The following HDAC9 variants were observed in gnomAD, a reference collection of about 807,000 sequenced individuals.
HDAC9 encodes the protein histone deacetylase 9.
Under a neutral mutation model 139.4 loss-of-function variants are expected in HDAC9, and 41 were observed. The observed-to-expected ratio is 0.29, with a 90% CI of 0.23 to 0.38. The LOEUF (loss-of-function observed/expected upper bound fraction) is 0.38, where lower values mean the gene tolerates loss of function less well. Among genes scored for constraint, HDAC9 ranks in the 10% least tolerant of loss-of-function variants. The probability of loss-of-function intolerance (pLI) is 1.00; values close to 1 mark genes in which losing one functional copy is unlikely to be tolerated. For synonymous variants in HDAC9, 517 were observed against 476.2 expected, an observed-to-expected ratio of 1.09 and a Z score of -1.12; for missense variants, 1,147 against 1,297.0, an observed-to-expected ratio of 0.88 and a Z score of 1.78.
At chr7:18,120,291 C>T (rs960418951) in intron 1 of HDAC9, among the ~76,000 whole-genome samples, 1 of 152,088 alleles carries the variant, frequency 6.6e-6, no homozygotes, top group Non-Finnish European at 1.5e-5. Flanking sequence ...TCCACAAGGC[C>T]AGTAGTAGTA....
chr7:18,451,401 G>GTATATATATGTGTGTGTGTGTGTA (rs1554422578), intron 1 of HDAC9, among the ~76,000 whole-genome samples: 1 of 135,212 alleles, frequency 7.4e-6, no homozygotes, highest in Non-Finnish European at 1.6e-5. Flanking sequence ...GTGTGTGTGT[G>GTATATATATGTGTGTGTGTGTGTA]TATATATGTG....
intron 2 of HDAC9, among the ~76,000 whole-genome samples, chr7:18,263,913 G>A (rs914064259): frequency 6.6e-6 from 1 of 152,064 alleles, no homozygotes. Context: ...GCCACCACGT[G>A]GGCCTGGCTG....
chr7:18,482,104 A>T (rs1795601080), intron 1 of HDAC9, among the ~76,000 whole-genome samples: 1 of 151,894 alleles, frequency 6.6e-6, no homozygotes, highest in Non-Finnish European at 1.5e-5. Flanking sequence ...AGCCTCTGTA[A>T]CTCTGAGTGT....
chr7:18,145,751 C>G (rs17138662), intron 1 of HDAC9, among the ~76,000 whole-genome samples: 22,625 of 152,066 alleles, frequency 0.15, 2,674 homozygotes, highest in African/African-American at 0.33. Flanking sequence ...TGTGCTGAAT[C>G]TTTGATAGGG....
intron 16 of HDAC9, among the ~76,000 whole-genome samples, chr7:18,787,389 A>G (rs1372856970): frequency 6.6e-6 from 1 of 152,188 alleles, no homozygotes; most frequent in Non-Finnish European, 1.5e-5. Context: ...CCTCCTACAT[A>G]TTTATAAAGT....
At chr7:18,673,262 A>G (rs888834714) in intron 12 of HDAC9, among the ~76,000 whole-genome samples, 1 of 152,004 alleles carries the variant, frequency 6.6e-6, no homozygotes, top group Non-Finnish European at 1.5e-5. Flanking sequence ...CTGAGTGACA[A>G]AACAACAGCA....
Position 18,720,692 on chromosome 7 carries a change from C to CT in HDAC9, c.1732-6881dup, listed in dbSNP as rs1173085822. The stretch of plus-strand genomic sequence containing the variant: ...TTTTCTTTTTTTTTTTTCTTTTCTT[C>CT]TTTTTTTGAGACAGAGTTTCGCTCT... On this transcript the variant is annotated intron_variant, in intron 12 of 25. Transcript: ENST00000686413. Among the ~76,000 whole-genome samples the CT allele has an allele frequency of 4.8e-5, 6 of 124,234 alleles. No homozygotes were observed. In the East Asian group the frequency reaches 1.4e-3, roughly 28 times the overall value. The allele number at this position is 124,234 out of a possible 152,430, so 81.5% of individuals were successfully genotyped here. A position where few individuals can be genotyped will look rare whatever the true frequency, so the allele number is the denominator to read the frequency against.
intron 1 of HDAC9, among the ~76,000 whole-genome samples, chr7:18,486,741 A>C (rs1796001861): frequency 1.3e-5 from 2 of 152,250 alleles, no homozygotes; most frequent in Middle Eastern, 3.4e-3. Context: ...CATGTTTTAT[A>C]TTGATAATAT....
At chr7:18,817,413 A>G (rs1250082222) in intron 17 of HDAC9, among the ~76,000 whole-genome samples, 1 of 152,206 alleles carries the variant, frequency 6.6e-6, no homozygotes, top group African/African-American at 2.4e-5. Context: ...CAATAAAAAA[A>G]ACCCAAAGAG....
chr7:18,286,530 A>T (rs1394075439), upstream of HDAC9, among the ~76,000 whole-genome samples: 2 of 151,582 alleles, frequency 1.3e-5, no homozygotes, highest in Non-Finnish European at 2.9e-5. Flanking sequence ...ACCTAGGAGG[A>T]TCAGCTTTGA....
intron 2 of HDAC9, among the ~76,000 whole-genome samples, chr7:18,253,539 C>T (rs1795057285): frequency 1.3e-5 from 2 of 152,088 alleles, no homozygotes; most frequent in African/African-American, 2.4e-5. Flanking sequence ...TTGTTGGCCA[C>T]ATGTGTGTCT....
At chr7:18,696,474 CTT>C (rs886105200) in intron 12 of HDAC9, among the ~76,000 whole-genome samples, 6 of 139,966 alleles carry the variant, frequency 4.3e-5, no homozygotes, top group Admixed American at 2.1e-4. Flanking sequence ...TCTTTTTTTG[CTT>C]TTTTTTTTTT....
intron 6 of HDAC9, among the ~76,000 whole-genome samples, chr7:18,607,913 G>C (rs61710852): frequency 0.026 from 4,023 of 152,196 alleles, 180 homozygotes; most frequent in African/African-American, 0.092. Context: ...AAAGTCTAAT[G>C]ACATATTTTT....
intron 22 of HDAC9, chr7:18,899,552 G>T (rs1801508453): frequency 6.6e-6 from 1 of 151,896 alleles, no homozygotes; most frequent in African/African-American, 2.4e-5. Context: ...AGAATCTACA[G>T]ATTTTAATCA....
At chr7:18,624,931 C>T (rs531558259) in intron 6 of HDAC9, among the ~76,000 whole-genome samples, 2 of 152,024 alleles carry the variant, frequency 1.3e-5, no homozygotes, top group East Asian at 3.9e-4. Context: ...TTGCTAGAAA[C>T]ATTAAGTAGG....
chr7:18,311,699 C>G (rs888445273), intron 1 of HDAC9, among the ~76,000 whole-genome samples: 1 of 152,016 alleles, frequency 6.6e-6, no homozygotes, highest in African/African-American at 2.4e-5. Flanking sequence ...CTACTACTGT[C>G]AAGGAGGGAT....
intron 11 of HDAC9, among the ~76,000 whole-genome samples, chr7:18,665,908 A>G (rs1794728668): frequency 6.6e-6 from 1 of 152,064 alleles, no homozygotes; most frequent in Admixed American, 6.6e-5. Flanking sequence ...GTTTCCATGG[A>G]TAGTTTATTT....
At chr7:18,174,122 A>G (rs1227534795) in intron 2 of HDAC9, among the ~76,000 whole-genome samples, 2 of 151,948 alleles carry the variant, frequency 1.3e-5, no homozygotes, top group African/African-American at 4.8e-5. Flanking sequence ...ATAGTCCCAT[A>G]TTTCTTGGAG....
chr7:18,393,137 T>TTA (rs199658216), intron 1 of HDAC9, among the ~76,000 whole-genome samples: 23 of 127,574 alleles, frequency 1.8e-4, no homozygotes, highest in African/African-American at 6.0e-4. Flanking sequence ...TTTTTTTTTT[T>TTA]AAAAAAACAT....
Sources: allele counts gnomAD v4.1 joint callset (sites outside exome capture counted in the v4.1 genomes callset), GRCh38; gene constraint gnomAD v4.1.1; transcripts MANE v1.5; gene names NCBI Gene and HGNC (gene_info 2026-07-23, HGNC 2026-07-21).